The following SLC6A2 variants were observed in gnomAD, a reference collection of about 807,000 sequenced individuals.
The protein encoded by SLC6A2 is solute carrier family 6 member 2.
A neutral mutation model predicts 71.7 loss-of-function variants in SLC6A2; 26 were observed. The observed-to-expected ratio is 0.36, with a 90% confidence interval of 0.27 to 0.50. SLC6A2 has a LOEUF of 0.50. Ranked by LOEUF, SLC6A2 falls within the 20% of genes least tolerant of loss-of-function variation. The pLI, the probability that SLC6A2 is intolerant of heterozygous loss-of-function variation, is 0.96. For missense variants in SLC6A2, 581 were observed against 803.9 expected (o/e 0.72, Z 3.35); for synonymous variants, 363 against 337.9 (o/e 1.07, Z -0.82).
intron 7 of SLC6A2, among the ~76,000 whole-genome samples, chr16:55,695,042 A>T (rs545946261): frequency 6.6e-6 from 1 of 152,240 alleles, no homozygotes; most frequent in East Asian, 1.9e-4. Context: ...GAAGCTGGTG[A>T]CTCAATTCCC....
At position 55,688,206 on chromosome 16, in the gene SLC6A2, G is replaced by A. The variant is rs78602245; in HGVS notation, c.783+2925G>A. ...TCTTTCTAGACTGAACCTGGAACAG[G>A]ACATTGAGCCTTTCTTAGCAGGCTT... On this transcript the variant is annotated intron_variant, in intron 5 of 14. Coordinates refer to ENST00000568943, the MANE Select transcript of SLC6A2 (RefSeq NM_001172501.3). 6.8e-3 allele frequency among the ~76,000 whole-genome samples: 1,034 copies of A among 152,340 alleles called. 8 individuals are homozygous for A. Among genetic ancestry groups the A allele is most frequent in the African/African-American group, 0.023 (944 of 41,584 alleles).
At position 55,704,962 on chromosome 16, in the gene SLC6A2, T is replaced by G; in HGVS notation, c.*2616T>G. 1 of 338,042 alleles carries G rather than the reference T, an allele frequency of 3.0e-6. No homozygotes were observed. 20.9% of individuals were successfully genotyped at this position (338,042 alleles called of 1,614,324 possible). On this transcript the variant is annotated 3_prime_UTR_variant, in exon 15 of 15. Coordinates refer to ENST00000568943, the MANE Select transcript of SLC6A2 (RefSeq NM_001172501.3). The stretch of plus-strand genomic sequence containing the variant: ...ATTTGGGTTTACCTTTCCACCCACA[T>G]TTAATGGAGAGAGAGTATGGGCTTT...
intron 2 of SLC6A2, among the ~76,000 whole-genome samples, chr16:55,663,658 C>T (rs1964669031): frequency 1.3e-5 from 2 of 152,142 alleles, no homozygotes; most frequent in Non-Finnish European, 2.9e-5. Context: ...TCTATCTATC[C>T]ATCTGTCTAT....
At chr16:55,682,693 G>A (rs1423257102) in intron 4 of SLC6A2, among the ~76,000 whole-genome samples, 1 of 152,182 alleles carries the variant, frequency 6.6e-6, no homozygotes, top group Non-Finnish European at 1.5e-5. Flanking sequence ...ACAGGAACTG[G>A]AAGAGTTGAA....
chr16:55,692,036 G>A lies in SLC6A2; in HGVS notation c.902G>A (p.Arg301His), dbSNP rs147833183. Reference sequence around the variant, plus strand: ...GCCTACCTGCACATCGACTTCTACCGCTTGAAAGAGGCCACGGTCAGTGCT... The same window carrying A: ...GCCTACCTGCACATCGACTTCTACCACTTGAAAGAGGCCACGGTCAGTGCT... ...INAYLHIDFY[R>H]LKEATVWIDA... The change falls in exon 6 of 15, where the codon CGC (arginine) becomes CAC (histidine). Residue 301 changes from arginine to histidine, a missense_variant. By Grantham distance (29) the Arg-to-His change is conservative. Transcript: ENST00000568943. 31 of 1,614,018 alleles carry A rather than the reference G, an allele frequency of 1.9e-5. No individual in the cohort carries two copies. The highest frequency in any genetic ancestry group is 2.7e-5 in the African/African-American group (2 of 74,930).
intron 11 of SLC6A2, among the ~76,000 whole-genome samples, chr16:55,699,347 T>C (rs1284941669): frequency 6.6e-6 from 1 of 152,178 alleles, no homozygotes; most frequent in African/African-American, 2.4e-5. Flanking sequence ...TGAATTGGGG[T>C]GACACATGAA....
At chr16:55,687,013 C>T (rs990847265) in intron 5 of SLC6A2, among the ~76,000 whole-genome samples, 1 of 152,156 alleles carries the variant, frequency 6.6e-6, no homozygotes, top group African/African-American at 2.4e-5. Context: ...ACTAGTGATG[C>T]AAGAATAAGA....
chr16:55,699,603 G>A lies in SLC6A2; in HGVS notation c.1539G>A (p.Pro513=), dbSNP rs138677626. The A allele has an allele frequency of 1.4e-5, 22 of 1,614,030 alleles. No individual in the cohort carries two copies. Among genetic ancestry groups the A allele is most frequent in the African/African-American group, 5.3e-5 (4 of 74,922 alleles). Residue 513 remains proline, a synonymous_variant, in exon 12 of 15, where the codon CCG becomes CCA. Transcript: ENST00000568943. ...NDIQQMMGFR[P]GLYWRLCWKF... ...TCCAGCAGATGATGGGGTTCAGGCC[G>A]GGTCTATACTGGAGACTGTGCTGGA...
intron 6 of SLC6A2, among the ~76,000 whole-genome samples, chr16:55,693,368 TA>T (rs11473083): frequency 1.7e-4 from 26 of 149,664 alleles, no homozygotes; most frequent in South Asian, 1.1e-3. Flanking sequence ...AGACCCTGCT[TA>T]AAAAAAAAAA....
chr16:55,661,207 A>G (rs1412495721), intron 2 of SLC6A2, among the ~76,000 whole-genome samples: 1 of 152,186 alleles, frequency 6.6e-6, no homozygotes, highest in African/African-American at 2.4e-5. Flanking sequence ...TCTTCCAGGG[A>G]AGTGGCCACT....
rs765091101 is a variant in SLC6A2, at chr16:55,656,761, C to T, written c.67C>T (p.Gln23Ter). Residue 23 changes from glutamine to a stop codon, truncating the protein, a stop_gained, in exon 2 of 15, where the codon CAG becomes TAG. Transcript: ENST00000568943. LOFTEE classifies it high-confidence loss of function. The surrounding 1 kb of genome is among the most constrained non-coding windows in gnomAD (Gnocchi z 4.5). ...ENNGADTGPE[Q>*]PLRARKTAEL... Reference sequence around the variant, plus strand: ...CAACGGGGCGGACACGGGTCCAGAGCAGCCCCTTCGGGCGCGCAAAACTGC... The same window carrying T: ...CAACGGGGCGGACACGGGTCCAGAGTAGCCCCTTCGGGCGCGCAAAACTGC... 3 of 1,613,198 alleles carry T rather than the reference C, an allele frequency of 1.9e-6. No homozygotes were observed. The highest frequency in any genetic ancestry group is 2.5e-6 in the Non-Finnish European group (3 of 1,179,866).
intron 7 of SLC6A2, 64 bp downstream of exon 7, chr16:55,694,177 AG>A: frequency 8.7e-7 from 1 of 1,145,068 alleles, no homozygotes; most frequent in Non-Finnish European, 1.3e-6. Context: ...GTTGGGTGGC[AG>A]AGAGGGCTCT....
At chr16:55,691,821 C>T in intron 5 of SLC6A2, 97 bp from the exon 6 acceptor site, 2 of 1,388,938 alleles carry the variant, frequency 1.4e-6, no homozygotes, top group Non-Finnish European at 1.0e-6. Flanking sequence ...TGGGAAAGAG[C>T]ATGACTGGCT....
At chr16:55,686,630 T>C (rs1191348986) in intron 5 of SLC6A2, among the ~76,000 whole-genome samples, 2 of 152,186 alleles carry the variant, frequency 1.3e-5, no homozygotes, top group Admixed American at 6.5e-5. Context: ...TTCTCTCTGA[T>C]ACTCTTAGAG....
In SLC6A2 at chr16:55,705,496, G is replaced by A. The variant is rs1169696368; in HGVS notation, c.*3150G>A. 4.5e-5 allele frequency: 22 copies of A among 485,380 alleles called. No individual in the cohort carries two copies. The highest frequency in any genetic ancestry group is 5.0e-4 in the Middle Eastern group (1 of 2,010). 30.1% of individuals were successfully genotyped at this position (485,380 alleles called of 1,614,324 possible). On this transcript the variant is annotated 3_prime_UTR_variant, in exon 15 of 15. Transcript: ENST00000568943. ...AAACAGAGAAGGTGTGTAGTGTGGC[G>A]GAAAAAGCACAGCATATAGTTTTAC...
chr16:55,662,513 G>A (rs1964637222), intron 2 of SLC6A2, among the ~76,000 whole-genome samples: 1 of 152,140 alleles, frequency 6.6e-6, no homozygotes, highest in African/African-American at 2.4e-5. Context: ...GGGGAGGTGA[G>A]GTCCTGCTCT....
chr16:55,671,259 A>G (rs1964901456), intron 3 of SLC6A2, among the ~76,000 whole-genome samples: 1 of 152,156 alleles, frequency 6.6e-6, no homozygotes, highest in Admixed American at 6.5e-5. Flanking sequence ...CCATCAGGGG[A>G]GAATGTGAAC....
At chr16:55,669,513 A>G in intron 2 of SLC6A2, 52 bp from the exon 3 acceptor site, 1 of 1,610,268 alleles carries the variant, frequency 6.2e-7, no homozygotes, top group Non-Finnish European at 8.5e-7. Context: ...CGGATCCAAG[A>G]CTGGGAGGGG....
intron 2 of SLC6A2, among the ~76,000 whole-genome samples, chr16:55,669,333 T>G (rs1227040810): frequency 6.6e-6 from 1 of 152,250 alleles, no homozygotes. Flanking sequence ...TATTTTGCTT[T>G]GCTTAACCTA....
Sources: gnomAD v4.1 joint callset for allele counts (sites outside exome capture counted in the v4.1 genomes callset) on GRCh38, gnomAD v4.1.1 for gene constraint, Gnocchi (gnomAD v3.1) non-coding constraint, MANE v1.5 for transcripts, NCBI Gene and HGNC (gene_info 2026-07-23, HGNC 2026-07-21) for gene names.